PHF24: variants seen among roughly 807,000 people sequenced by gnomAD.
PHF24 encodes the protein Galpha inhibitory interacting protein.
PHF24 carries 25 observed loss-of-function variants against 42.6 expected under a neutral mutation model. That is an observed-to-expected ratio of 0.59 (90% CI 0.43 to 0.82). The LOEUF is 0.82. Ranked by LOEUF, PHF24 falls within the 40% of genes least tolerant of loss-of-function variation. The probability of loss-of-function intolerance (pLI) is 0.00; values close to 1 mark genes in which losing one functional copy is unlikely to be tolerated. For missense variants in PHF24, 470 were observed against 538.1 expected, an observed-to-expected ratio of 0.87 and a Z score of 1.25; for synonymous variants, 185 against 204.8, an observed-to-expected ratio of 0.90 and a Z score of 0.83.
the PHF24 span, chr9:34,832,303 G>A: frequency 1.7e-6 from 1 of 605,328 alleles, no homozygotes; most frequent in Non-Finnish European, 3.0e-6. Flanking sequence ...AGCTAGGGTG[G>A]GTGCCCTGGT....
the PHF24 span, among the ~76,000 whole-genome samples, chr9:34,848,275 A>G: frequency 6.6e-6 from 1 of 151,834 alleles, no homozygotes; most frequent in Non-Finnish European, 1.5e-5. Flanking sequence ...CCACAATTTC[A>G]GAGCCTGTTA....
At chr9:34,719,617 C>T in the PHF24 span, among the ~76,000 whole-genome samples, 1 of 152,208 alleles carries the variant, frequency 6.6e-6, no homozygotes, top group Admixed American at 6.5e-5. Flanking sequence ...TGAGCCCATG[C>T]TGGCCTCAGG....
the PHF24 span, among the ~76,000 whole-genome samples, chr9:34,933,115 G>A: frequency 2.0e-5 from 3 of 149,618 alleles, no homozygotes; most frequent in South Asian, 2.1e-4. Flanking sequence ...ATGCCACCAC[G>A]CCCTGCTAAC....
At chr9:34,729,259 A>G in the PHF24 span, 7 of 1,544,916 alleles carry the variant, frequency 4.5e-6, no homozygotes, top group Non-Finnish European at 6.1e-6. Context: ...AGGCTTAATT[A>G]GTTCAGTTGG....
chr9:34,925,003 C>T, the PHF24 span, among the ~76,000 whole-genome samples: 1 of 152,038 alleles, frequency 6.6e-6, no homozygotes, highest in Non-Finnish European at 1.5e-5. Flanking sequence ...TTTTCAATTC[C>T]AGATGTAGGA....
At chr9:34,802,650 G>C in the PHF24 span, among the ~76,000 whole-genome samples, 3 of 152,204 alleles carry the variant, frequency 2.0e-5, no homozygotes, top group Admixed American at 2.0e-4. Context: ...GTCTGACTTT[G>C]TTGTGAGGTC....
chr9:34,802,666 A>G, the PHF24 span, among the ~76,000 whole-genome samples: 1 of 152,224 alleles, frequency 6.6e-6, no homozygotes, highest in Non-Finnish European at 1.5e-5. Flanking sequence ...AGGTCACATG[A>G]TTAGACAATG....
the PHF24 span, among the ~76,000 whole-genome samples, chr9:34,928,410 T>C: frequency 6.6e-6 from 1 of 152,156 alleles, no homozygotes; most frequent in Non-Finnish European, 1.5e-5. Context: ...TCAAAACATC[T>C]CATGTACCCC....
the PHF24 span, chr9:34,690,403 C>T: frequency 0.23 from 353,259 of 1,506,406 alleles, 43,055 homozygotes; most frequent in Non-Finnish European, 0.25. Flanking sequence ...TGGCCATGGC[C>T]CTAGCTCGGA....
the PHF24 span, among the ~76,000 whole-genome samples, chr9:34,773,014 G>A: frequency 6.7e-6 from 1 of 150,162 alleles, no homozygotes; most frequent in Non-Finnish European, 1.5e-5. Flanking sequence ...TTTTGAGATG[G>A]AATTTTGCTC....
chr9:34,934,824 C>T, the PHF24 span, among the ~76,000 whole-genome samples: 2 of 152,148 alleles, frequency 1.3e-5, no homozygotes, highest in African/African-American at 2.4e-5. Context: ...AATAATGTAG[C>T]AGTCATGACA....
the PHF24 span, among the ~76,000 whole-genome samples, chr9:34,855,370 A>G: frequency 6.6e-6 from 1 of 152,178 alleles, no homozygotes; most frequent in African/African-American, 2.4e-5. Context: ...TAATAGTGTC[A>G]TTGATCTGTG....
At chr9:34,943,175 G>A in the PHF24 span, among the ~76,000 whole-genome samples, 1 of 152,130 alleles carries the variant, frequency 6.6e-6, no homozygotes, top group African/African-American at 2.4e-5. Flanking sequence ...ACCCACCCAG[G>A]GATGTGGTAC....
the PHF24 span, among the ~76,000 whole-genome samples, chr9:34,846,771 T>G: frequency 2.0e-5 from 3 of 152,240 alleles, no homozygotes; most frequent in African/African-American, 7.2e-5. Context: ...TGAATTAATT[T>G]TTGTATAAGG....
chr9:34,708,427 G>A, the PHF24 span, among the ~76,000 whole-genome samples: 20 of 152,298 alleles, frequency 1.3e-4, no homozygotes, highest in African/African-American at 4.3e-4. Context: ...TAAACAAAGA[G>A]GAGAGGTCAA....
At chr9:34,908,842 C>CTTTTTTTTTTTTTTTTTTTTTTT in the PHF24 span, among the ~76,000 whole-genome samples, 44 of 135,342 alleles carry the variant, frequency 3.3e-4, 1 homozygote, top group Non-Finnish European at 5.4e-4. Flanking sequence ...CTTTTCTTTT[C>CTTTTTTTTTTTTTTTTTTTTTTT]TTTTTTTTTT....
chr9:34,924,104 T>A, the PHF24 span, among the ~76,000 whole-genome samples: 1 of 152,166 alleles, frequency 6.6e-6, no homozygotes, highest in Non-Finnish European at 1.5e-5. Context: ...CATGTGCTTG[T>A]ATAGTTTTTT....
chr9:34,760,609 G>A, the PHF24 span, among the ~76,000 whole-genome samples: 1 of 152,188 alleles, frequency 6.6e-6, no homozygotes, highest in Non-Finnish European at 1.5e-5. Context: ...GTGCAGAAGC[G>A]TGGCGAGTAG....
chr9:34,780,302 T>TC, the PHF24 span, among the ~76,000 whole-genome samples: 2 of 78,782 alleles, frequency 2.5e-5, no homozygotes, highest in African/African-American at 7.5e-5. Flanking sequence ...TTTTTTCTTT[T>TC]TTTTTTTTTT....
Sources: allele counts gnomAD v4.1 joint callset (sites outside exome capture counted in the v4.1 genomes callset), GRCh38; gene constraint gnomAD v4.1.1; transcripts MANE v1.5; gene names NCBI Gene and HGNC (gene_info 2026-07-23, HGNC 2026-07-21).